Variants in LANCL3 observed in about 807,000 individuals in gnomAD.
LANCL3 encodes the protein lanC-like protein 3.
Under a neutral mutation model 26.5 loss-of-function variants are expected in LANCL3, and 19 were observed. The observed-to-expected ratio is 0.72, with a 90% CI of 0.50 to 1.05. LANCL3 has a LOEUF of 1.05. LANCL3 is among the 50% of genes least tolerant of loss of function. The probability of loss-of-function intolerance (pLI) is 0.00; values close to 1 mark genes in which losing one functional copy is unlikely to be tolerated. For missense variants in LANCL3, 318 were observed against 362.7 expected (o/e 0.88, Z 1.00); for synonymous variants, 160 against 166.6 (o/e 0.96, Z 0.30).
chrX:37,634,084 A>T (rs1925627867), intron 1 of LANCL3, among the ~76,000 whole-genome samples: 1 of 112,581 alleles, frequency 8.9e-6, no homozygotes, highest in African/African-American at 3.2e-5. Flanking sequence ...GGTGGGCTCC[A>T]CCCAGTTCGA....
intron 1 of LANCL3, among the ~76,000 whole-genome samples, chrX:37,601,276 GGATGA>G (rs782045044): frequency 1.8e-5 from 2 of 111,536 alleles, no homozygotes; most frequent in Admixed American, 1.9e-4. Flanking sequence ...GTTGTGCATG[GGATGA>G]GTACTGCTTT....
chrX:37,657,211 A>C (rs1157592905), intron 2 of LANCL3, among the ~76,000 whole-genome samples: 1 of 112,552 alleles, frequency 8.9e-6, no homozygotes, highest in Non-Finnish European at 1.9e-5. Flanking sequence ...GGCAGGGCAT[A>C]CTCCTGTGGC....
intron 1 of LANCL3, among the ~76,000 whole-genome samples, chrX:37,589,280 C>G (rs1168989392): frequency 9.0e-6 from 1 of 111,521 alleles, no homozygotes; most frequent in Non-Finnish European, 1.9e-5. Flanking sequence ...ATTCAGGTAG[C>G]CTTGGGATTG....
intron 1 of LANCL3, among the ~76,000 whole-genome samples, chrX:37,653,070 G>A (rs1437180057): frequency 1.3e-4 from 14 of 111,158 alleles, no homozygotes; most frequent in African/African-American, 4.3e-4. Flanking sequence ...CCGAACAAGC[G>A]CCGGTTTCTC....
intron 1 of LANCL3, among the ~76,000 whole-genome samples, chrX:37,624,693 A>C (rs1925265265): frequency 1.8e-5 from 2 of 111,798 alleles, no homozygotes; most frequent in Non-Finnish European, 3.8e-5. Flanking sequence ...TTGTGGCCAA[A>C]ATATAATGGG....
Position 37,572,435 on chromosome X carries a change from G to T in LANCL3, c.565G>T (p.Ala189Ser), listed in dbSNP as rs374711198. 9.9e-5 allele frequency: 116 copies of T among 1,171,755 alleles called. No individual in the cohort carries two copies. The highest frequency in any genetic ancestry group is 1.3e-4 in the Non-Finnish European group (114 of 875,732). The change falls in exon 1 of 5, where the codon GCC (alanine) becomes TCC (serine). Residue 189 changes from alanine to serine, a missense_variant. By Grantham distance (99) the Ala-to-Ser change is moderately conservative. Coordinates refer to ENST00000378619, the MANE Select transcript of LANCL3 (RefSeq NM_001170331.2). ...CGCGCTGGTGCTCAAGCAGAAACTC[G>T]CCCAGGAGGTAAGAGGTAGCCCGGG... ...CAALVLKQKLAQEVLTPAQIK... is the reference protein window; with the variant it reads ...CAALVLKQKLSQEVLTPAQIK...
chrX:37,660,844 G>A (rs782727953), intron 3 of LANCL3, among the ~76,000 whole-genome samples: 4 of 111,020 alleles, frequency 3.6e-5, no homozygotes, highest in African/African-American at 1.3e-4. Context: ...AATGTAAGTC[G>A]CAGTGTATTG....
intron 1 of LANCL3, among the ~76,000 whole-genome samples, chrX:37,612,036 A>G (rs1469045770): frequency 9.1e-6 from 1 of 110,256 alleles, no homozygotes; most frequent in Non-Finnish European, 1.9e-5. Flanking sequence ...CGCCTCCCGG[A>G]TTCAAGCAAT....
chrX:37,677,136 T>G lies in LANCL3; in HGVS notation c.*1323T>G, dbSNP rs1361457704. 1.4e-5 allele frequency: 1 copy of G among 73,754 alleles called. No homozygotes were observed. Among genetic ancestry groups the G allele is most frequent in the Non-Finnish European group, 2.3e-5 (1 of 43,283 alleles). The allele number at this position is 73,754 out of a possible 1,213,427, so 6.1% of individuals were successfully genotyped here. On this transcript the variant is annotated 3_prime_UTR_variant, in exon 5 of 5. Coordinates refer to ENST00000378619, the MANE Select transcript of LANCL3 (RefSeq NM_001170331.2). ...AATAGTCATTAAATATTTGGATATA[T>G]TATGTGTGTGTGTGTGTGTGTGTGT...
intron 1 of LANCL3, among the ~76,000 whole-genome samples, chrX:37,614,731 G>A (rs1556421541): frequency 8.9e-6 from 1 of 112,075 alleles, no homozygotes; most frequent in Non-Finnish European, 1.9e-5. Flanking sequence ...TGAAAGACTT[G>A]TGATTTTTAA....
intron 1 of LANCL3, among the ~76,000 whole-genome samples, chrX:37,650,649 C>G (rs1926112982): frequency 9.4e-6 from 1 of 106,790 alleles, no homozygotes; most frequent in Non-Finnish European, 1.9e-5. Context: ...GCTATAAGGA[C>G]GAGCTACTTT....
chrX:37,662,054 G>A (rs1556432680), intron 3 of LANCL3, among the ~76,000 whole-genome samples: 1 of 112,348 alleles, frequency 8.9e-6, no homozygotes, highest in African/African-American at 3.2e-5. Flanking sequence ...CTTTGAGACT[G>A]AGTAGTGGAA....
chrX:37,619,374 G>A (rs180812556), intron 1 of LANCL3, among the ~76,000 whole-genome samples: 2 of 111,366 alleles, frequency 1.8e-5, no homozygotes, highest in African/African-American at 6.5e-5. Flanking sequence ...TTCCTGACAG[G>A]ATTGTCTGCG....
intron 1 of LANCL3, among the ~76,000 whole-genome samples, chrX:37,633,149 G>GT (rs202182589): frequency 0.032 from 3,146 of 99,434 alleles, 45 homozygotes; most frequent in Middle Eastern, 0.082. Context: ...GGCTTTGTTC[G>GT]TTTTTTTTTT....
chrX:37,629,394 A>C, intron 1 of LANCL3, among the ~76,000 whole-genome samples: 1 of 109,151 alleles, frequency 9.2e-6, no homozygotes, highest in Non-Finnish European at 1.9e-5. Context: ...CCCATTTTGT[A>C]GGTTGCCTGT....
intron 1 of LANCL3, among the ~76,000 whole-genome samples, chrX:37,604,530 G>T (rs1245818371): frequency 8.9e-6 from 1 of 112,057 alleles, no homozygotes; most frequent in African/African-American, 3.2e-5. Context: ...CTGCTGAGCT[G>T]GGTCAGGCTT....
intron 1 of LANCL3, among the ~76,000 whole-genome samples, chrX:37,578,399 A>G (rs1923809301): frequency 8.9e-6 from 1 of 112,077 alleles, no homozygotes; most frequent in Non-Finnish European, 1.9e-5. Flanking sequence ...GTCCCTTGGC[A>G]AGGTCTGTCT....
intron 1 of LANCL3, among the ~76,000 whole-genome samples, chrX:37,629,720 G>A (rs1393646308): frequency 9.0e-6 from 1 of 111,062 alleles, no homozygotes; most frequent in African/African-American, 3.3e-5. Context: ...TTTCCCCATT[G>A]CTTATTTTTG....
intron 1 of LANCL3, among the ~76,000 whole-genome samples, chrX:37,653,971 C>T (rs1157167983): frequency 1.1e-4 from 12 of 111,439 alleles, no homozygotes; most frequent in African/African-American, 3.9e-4. Context: ...ATCTTACCTA[C>T]TCTGCATTAC....
Sources: allele counts gnomAD v4.1 joint callset (sites outside exome capture counted in the v4.1 genomes callset), GRCh38; gene constraint gnomAD v4.1.1; transcripts MANE v1.5; gene names NCBI Gene and HGNC (gene_info 2026-07-23, HGNC 2026-07-21).